Variants in CDCP1 observed in about 807,000 individuals in gnomAD.
The protein encoded by CDCP1 is CUB domain-containing protein 1.
CDCP1 carries 29 observed loss-of-function variants against 60.2 expected under a neutral mutation model. The ratio of observed to expected loss-of-function variants is 0.48; its 90% CI spans 0.36 to 0.66. The LOEUF is 0.66. CDCP1 is among the 30% of genes least tolerant of loss of function. The probability of loss-of-function intolerance (pLI) is 0.00; values close to 1 mark genes in which losing one functional copy is unlikely to be tolerated. For synonymous variants in CDCP1, 387 were observed against 431.1 expected (o/e 0.90, Z 1.27); for missense variants, 876 against 1,074.3 (o/e 0.82, Z 2.58).
rs1243695512 is a variant in CDCP1 at position 45,134,417 on chromosome 3, C to G, written c.82+11789G>C. ...GGGATTACAGGCGCGGGCCACCGCGCCCGGCCCAGATCTACTTCTTTCTTA... is the reference window on the plus strand; with the variant it reads ...GGGATTACAGGCGCGGGCCACCGCGGCCGGCCCAGATCTACTTCTTTCTTA... On this transcript the variant is annotated intron_variant, in intron 1 of 8. Coordinates refer to ENST00000296129, the MANE Select transcript of CDCP1 (RefSeq NM_022842.5). Among the ~76,000 whole-genome samples the G allele has an allele frequency of 2.0e-5, 3 of 152,350 alleles. No homozygotes were observed. In the East Asian group the frequency reaches 5.8e-4, roughly 29 times the overall value.
chr3:45,145,795 C>A (rs1249797740), intron 1 of CDCP1, among the ~76,000 whole-genome samples: 5 of 152,154 alleles, frequency 3.3e-5, no homozygotes, highest in African/African-American at 7.2e-5. Context: ...CTTCCCACAC[C>A]CTGCCTGGGT....
intron 2 of CDCP1, among the ~76,000 whole-genome samples, chr3:45,113,470 G>T: frequency 6.6e-6 from 1 of 152,178 alleles, no homozygotes; most frequent in Admixed American, 6.5e-5. Flanking sequence ...TGAGCAGGGG[G>T]CATCTGAAAG....
intron 2 of CDCP1, among the ~76,000 whole-genome samples, chr3:45,114,668 C>T (rs2125998856): frequency 6.6e-6 from 1 of 152,338 alleles, no homozygotes; most frequent in Middle Eastern, 3.4e-3. Context: ...CTGCCTCAGC[C>T]TCCCAGAGTG....
chr3:45,140,038 C>T (rs1312420362), intron 1 of CDCP1, among the ~76,000 whole-genome samples: 8 of 152,248 alleles, frequency 5.3e-5, no homozygotes, highest in Non-Finnish European at 8.8e-5. Flanking sequence ...GCCTCCAGAT[C>T]AGTAACAGAA....
chr3:45,112,260 TG>T lies in CDCP1; in HGVS notation c.477del (p.Thr160LeufsTer33). On this transcript the variant is annotated frameshift_variant, in exon 3 of 9. Coordinates refer to ENST00000296129, the MANE Select transcript of CDCP1 (RefSeq NM_022842.5). LOFTEE classifies it high-confidence loss of function. ...TCGATTCGGCCGCTGATGGAGTGAG[TG>T]ACTCCGTCTGGGCAGCTCTCACCCG... Reference protein sequence around the residue: ...IGPGESCPDGVTHSISGRIDA... With the variant: ...IGPGESCPDGXTHSISGRIDA... 1 of 1,614,182 alleles carries T rather than the reference TG, an allele frequency of 6.2e-7. No individual in the cohort carries two copies. Among genetic ancestry groups the T allele is most frequent in the Non-Finnish European group, 8.5e-7 (1 of 1,180,024 alleles).
chr3:45,141,497 T>A (rs1699289992), intron 1 of CDCP1, among the ~76,000 whole-genome samples: 1 of 152,268 alleles, frequency 6.6e-6, no homozygotes, highest in Admixed American at 6.5e-5. Flanking sequence ...ATAGCGTTGC[T>A]TAGTGTTTTC....
intron 4 of CDCP1, among the ~76,000 whole-genome samples, chr3:45,109,342 A>G (rs949029755): frequency 6.6e-6 from 1 of 152,098 alleles, no homozygotes; most frequent in Non-Finnish European, 1.5e-5. Flanking sequence ...TGGATCCCAC[A>G]CTGCCACTTT....
intron 1 of CDCP1, among the ~76,000 whole-genome samples, chr3:45,127,088 T>C (rs573256062): frequency 1.3e-5 from 2 of 152,380 alleles, no homozygotes; most frequent in South Asian, 4.1e-4. Flanking sequence ...GAATGAAGTA[T>C]TTCCAAGCTG....
chr3:45,107,373 A>AT (rs1199551732), intron 4 of CDCP1, among the ~76,000 whole-genome samples: 5 of 151,584 alleles, frequency 3.3e-5, no homozygotes, highest in Non-Finnish European at 5.9e-5. Context: ...CGCCCGGCTA[A>AT]TTTTTTGTAT....
At position 45,082,481 on chromosome 3, in the gene CDCP1, G is replaced by A. The variant is rs1275346697; in HGVS notation, c.*3157C>T. 6.6e-6 allele frequency: 1 copy of A among 152,194 alleles called. No homozygotes were observed. Among genetic ancestry groups the A allele is most frequent in the African/African-American group, 2.4e-5 (1 of 41,442 alleles). The allele number at this position is 152,194 out of a possible 1,614,324, so 9.4% of individuals were successfully genotyped here. On this transcript the variant is annotated 3_prime_UTR_variant, in exon 9 of 9. Transcript: ENST00000296129. ...AACCGGGGCCTCTACTGAACCAGGG[G>A]ACAAGTAGCCGAAGCACTTAAACAG...
In CDCP1 at chr3:45,093,171, C is replaced by T. The variant is rs987568870; in HGVS notation, c.1627+106G>A. 12 of 1,299,278 alleles carry T rather than the reference C, an allele frequency of 9.2e-6. No individual in the cohort carries two copies. The Admixed American group carries it at 2.4e-4, about 26-fold the overall frequency. The allele number at this position is 1,299,278 out of a possible 1,614,324, so 80.5% of individuals were successfully genotyped here. On this transcript the variant is annotated intron_variant, in intron 6 of 8. Coordinates refer to ENST00000296129, the MANE Select transcript of CDCP1 (RefSeq NM_022842.5). ...CTTGTGCAAGGACCAGCATATTGAG[C>T]TATCCCTTCTTTCCAAACTGGCAAC...
At chr3:45,127,091 C>T (rs77798083) in intron 1 of CDCP1, among the ~76,000 whole-genome samples, 5,129 of 152,304 alleles carry the variant, frequency 0.034, 130 homozygotes, top group Non-Finnish European at 0.052. Flanking sequence ...TGAAGTATTT[C>T]CAAGCTGCTG....
intron 4 of CDCP1, among the ~76,000 whole-genome samples, chr3:45,106,534 A>T (rs539733532): frequency 9.2e-5 from 14 of 152,324 alleles, no homozygotes; most frequent in Admixed American, 3.3e-4. Context: ...GATTGGTGCA[A>T]CACGGATTTA....
At chr3:45,143,159 G>A (rs537013714) in intron 1 of CDCP1, among the ~76,000 whole-genome samples, 38 of 152,274 alleles carry the variant, frequency 2.5e-4, no homozygotes, top group Middle Eastern at 3.4e-3. Context: ...AGCCGAGATC[G>A]CGCCATTGCA....
At chr3:45,121,535 CTA>C (rs1392843592) in intron 1 of CDCP1, among the ~76,000 whole-genome samples, 1 of 152,214 alleles carries the variant, frequency 6.6e-6, no homozygotes, top group East Asian at 1.9e-4. Context: ...GCCCATCTAG[CTA>C]TGTTACCAAT....
intron 4 of CDCP1, among the ~76,000 whole-genome samples, chr3:45,103,075 G>T (rs1698507917): frequency 6.6e-6 from 1 of 151,956 alleles, no homozygotes; most frequent in Non-Finnish European, 1.5e-5. Flanking sequence ...ATCACCCAAA[G>T]AAAGATCTAG....
chr3:45,138,660 C>A (rs1185975755), intron 1 of CDCP1, among the ~76,000 whole-genome samples: 1 of 152,112 alleles, frequency 6.6e-6, no homozygotes. Context: ...ACCAGCCTGG[C>A]CGACATGGTG....
At chr3:45,099,476 G>A (rs903086346) in intron 4 of CDCP1, among the ~76,000 whole-genome samples, 3 of 151,958 alleles carry the variant, frequency 2.0e-5, no homozygotes, top group Non-Finnish European at 4.4e-5. Flanking sequence ...ACTGTGCCTT[G>A]GTGTGGGTCT....
chr3:45,113,922 C>T (rs1345735122), intron 2 of CDCP1, among the ~76,000 whole-genome samples: 1 of 152,182 alleles, frequency 6.6e-6, no homozygotes, highest in Non-Finnish European at 1.5e-5. Context: ...AGTGATTTTC[C>T]ACGCACACCT....
Sources: gnomAD v4.1 joint callset for allele counts (sites outside exome capture counted in the v4.1 genomes callset) on GRCh38, gnomAD v4.1.1 for gene constraint, MANE v1.5 for transcripts, NCBI Gene and HGNC (gene_info 2026-07-23, HGNC 2026-07-21) for gene names.